The following PLCH1 variants were observed in gnomAD, a reference collection of about 807,000 sequenced individuals.
PLCH1 encodes the protein 1-phosphatidylinositol 4,5-bisphosphate phosphodiesterase eta-1.
Under a neutral mutation model 126.7 loss-of-function variants are expected in PLCH1, and 60 were observed. That is an observed-to-expected ratio of 0.47 (90% CI 0.38 to 0.59). The LOEUF is 0.59. Ranked by LOEUF, PLCH1 falls within the 20% of genes least tolerant of loss-of-function variation. The pLI, the probability that PLCH1 is intolerant of heterozygous loss-of-function variation, is 0.00. For synonymous variants in PLCH1, 719 were observed against 734.9 expected (o/e 0.98, Z 0.35); for missense variants, 1,723 against 2,040.0 (o/e 0.84, Z 2.99).
At chr3:155,618,327 T>C (rs779102979) in intron 2 of PLCH1, among the ~76,000 whole-genome samples, 50 of 152,334 alleles carry the variant, frequency 3.3e-4, no homozygotes, top group Admixed American at 6.5e-4. Context: ...CCCATTTTTC[T>C]GACTAAAGCT....
intron 2 of PLCH1, among the ~76,000 whole-genome samples, chr3:155,649,185 G>C (rs1234858484): frequency 1.3e-5 from 2 of 152,074 alleles, no homozygotes; most frequent in African/African-American, 4.8e-5. Context: ...GAGATATGTA[G>C]GCTCATAATT....
At chr3:155,506,349 T>TC (rs1718700651) in intron 12 of PLCH1, among the ~76,000 whole-genome samples, 1 of 150,912 alleles carries the variant, frequency 6.6e-6, no homozygotes, top group Non-Finnish European at 1.5e-5. Flanking sequence ...CACTCTCTTT[T>TC]TTTTTTTTTT....
chr3:155,509,030 G>C (rs561006994), intron 12 of PLCH1, among the ~76,000 whole-genome samples: 3 of 136,014 alleles, frequency 2.2e-5, no homozygotes, highest in East Asian at 3.9e-4. Context: ...CACAATTTCA[G>C]AGCCTCTTAT....
intron 21 of PLCH1, among the ~76,000 whole-genome samples, chr3:155,451,324 A>C (rs1712303313): frequency 6.6e-6 from 1 of 152,218 alleles, no homozygotes; most frequent in African/African-American, 2.4e-5. Context: ...AATTTACCAA[A>C]TACAAAGAGG....
In PLCH1 at chr3:155,480,668, A is replaced by C. The variant is rs1457472197; in HGVS notation, c.*300T>G. 3 of 274,794 alleles carry C rather than the reference A, an allele frequency of 1.1e-5. No individual in the cohort carries two copies. Among genetic ancestry groups the C allele is most frequent in the Non-Finnish European group, 1.4e-5 (2 of 145,192 alleles). 17.0% of individuals were successfully genotyped at this position (274,794 alleles called of 1,614,324 possible). A position where few individuals can be genotyped will look rare whatever the true frequency, so the allele number is the denominator to read the frequency against. On this transcript the variant is annotated 3_prime_UTR_variant, in exon 23 of 23. Transcript: ENST00000460012. ...GACACAGTAAAGGACATCTTGGTGA[A>C]ACACACACACATTATAACCCGAGCT...
chr3:155,719,857 G>A lies in PLCH1; in HGVS notation c.-40-15593C>T, dbSNP rs535895963. Among the ~76,000 whole-genome samples, 367 of 151,394 alleles carry A rather than the reference G, an allele frequency of 2.4e-3. 2 individuals carry two copies. The highest frequency in any genetic ancestry group is 8.3e-3 in the African/African-American group (341 of 41,204). ...CTCACTCTGTCTGGAGTGCAGTGGC[G>A]CAATCTTGGCTCACTGCAACTTCCG... On this transcript the variant is annotated intron_variant, in intron 1 of 22. Transcript: ENST00000460012.
intron 1 of PLCH1, among the ~76,000 whole-genome samples, chr3:155,717,199 T>G (rs1747583720): frequency 6.6e-6 from 1 of 152,206 alleles, no homozygotes; most frequent in Non-Finnish European, 1.5e-5. Context: ...CCTCTATGGC[T>G]TTGCAGTGTT....
chr3:155,605,484 A>G (rs1436274179), intron 2 of PLCH1, among the ~76,000 whole-genome samples: 1 of 152,256 alleles, frequency 6.6e-6, no homozygotes, highest in African/African-American at 2.4e-5. Context: ...TAAAACAAAA[A>G]GGACTTTAGC....
chr3:155,632,697 T>C (rs1738195647), intron 2 of PLCH1, among the ~76,000 whole-genome samples: 1 of 151,996 alleles, frequency 6.6e-6, no homozygotes, highest in Non-Finnish European at 1.5e-5. Flanking sequence ...GGTGAGGGAG[T>C]GTTCTTAAAG....
At chr3:155,585,883 G>A (rs1018343181) in intron 5 of PLCH1, among the ~76,000 whole-genome samples, 182 bp downstream of exon 5, 3 of 152,114 alleles carry the variant, frequency 2.0e-5, no homozygotes, top group South Asian at 2.1e-4. Flanking sequence ...AATTTTGGAC[G>A]AATGTTAAAT....
intron 1 of PLCH1, among the ~76,000 whole-genome samples, chr3:155,725,486 C>G (rs1447185488): frequency 5.5e-5 from 8 of 144,624 alleles, no homozygotes. Flanking sequence ...CTCACTCTGT[C>G]CCCCAGGCTG....
At chr3:155,591,129 T>A (rs1732113696) in intron 4 of PLCH1, among the ~76,000 whole-genome samples, 1 of 152,204 alleles carries the variant, frequency 6.6e-6, no homozygotes. Context: ...TTTCAAGGAT[T>A]ATGAGAGAGA....
rs186405537 is a variant in PLCH1 at position 155,647,488 on chromosome 3, T to G, written c.80-51110A>C. Among the ~76,000 whole-genome samples the G allele has an allele frequency of 1.4e-3, 206 of 151,940 alleles. 1 individual carries two copies. The highest frequency in any genetic ancestry group is 4.8e-3 in the African/African-American group (198 of 41,442). On this transcript the variant is annotated intron_variant, in intron 2 of 22. Transcript: ENST00000460012. Reference sequence around the variant, plus strand: ...CCAAAAGACACAATGAACAGGAAATTGCATTTTCTTTGCAGATCAACAAAG... The same window carrying G: ...CCAAAAGACACAATGAACAGGAAATGGCATTTTCTTTGCAGATCAACAAAG...
Position 155,666,896 on chromosome 3 carries a change from GT to G in PLCH1, c.79+37249del, listed in dbSNP as rs1463439292. Among the ~76,000 whole-genome samples, 14 of 22,566 alleles carry G rather than the reference GT, an allele frequency of 6.2e-4. No individual in the cohort carries two copies. The African/African-American group carries it at 0.019, about 30-fold the overall frequency. 14.8% of individuals were successfully genotyped at this position (22,566 alleles called of 152,430 possible). A position where few individuals can be genotyped will look rare whatever the true frequency, so the allele number is the denominator to read the frequency against. ...GGAAATGATGAGACACAGATGAGGTGTGTGTGTGTGTGTGTGTGTGTGTGTG... is the reference window on the plus strand; with the variant it reads ...GGAAATGATGAGACACAGATGAGGTGGTGTGTGTGTGTGTGTGTGTGTGTG... On this transcript the variant is annotated intron_variant, in intron 2 of 22. Coordinates refer to ENST00000460012, the MANE Select transcript of PLCH1 (RefSeq NM_014996.4).
Position 155,651,511 on chromosome 3 carries a change from T to C in PLCH1, c.79+52635A>G, listed in dbSNP as rs943955862. 2.6e-5 allele frequency among the ~76,000 whole-genome samples: 4 copies of C among 152,212 alleles called. No homozygotes were observed. The East Asian group carries it at 7.7e-4, about 29-fold the overall frequency. ...AGTATGACTCAAAAGAGAACTTTTATATTTTATTTCACATACTTCTATAGT... is the reference window on the plus strand; with the variant it reads ...AGTATGACTCAAAAGAGAACTTTTACATTTTATTTCACATACTTCTATAGT... On this transcript the variant is annotated intron_variant, in intron 2 of 22. Transcript: ENST00000460012.
At chr3:155,633,772 T>G (rs1227278121) in intron 2 of PLCH1, among the ~76,000 whole-genome samples, 5 of 152,066 alleles carry the variant, frequency 3.3e-5, no homozygotes, top group African/African-American at 1.2e-4. Context: ...CTACAAAAAT[T>G]AGCCGGGTAT....
At chr3:155,722,954 A>G (rs768075376) in intron 1 of PLCH1, among the ~76,000 whole-genome samples, 1 of 152,004 alleles carries the variant, frequency 6.6e-6, no homozygotes, top group Non-Finnish European at 1.5e-5. Context: ...CTGGTCCTGG[A>G]CTTTTCTTGT....
At chr3:155,611,385 G>A (rs371584208) in intron 2 of PLCH1, among the ~76,000 whole-genome samples, 29 of 151,958 alleles carry the variant, frequency 1.9e-4, no homozygotes, top group African/African-American at 3.4e-4. Context: ...GCAAGACTCC[G>A]TCTCAAAAAA....
intron 5 of PLCH1, among the ~76,000 whole-genome samples, chr3:155,585,319 A>G (rs762087771): frequency 6.6e-6 from 1 of 152,234 alleles, no homozygotes; most frequent in Non-Finnish European, 1.5e-5. Context: ...TTTTACATGT[A>G]CAAAGTATCA....
Sources: allele counts gnomAD v4.1 joint callset (sites outside exome capture counted in the v4.1 genomes callset), GRCh38; gene constraint gnomAD v4.1.1; transcripts MANE v1.5; gene names NCBI Gene and HGNC (gene_info 2026-07-23, HGNC 2026-07-21).